The following ADAM23 variants were observed in gnomAD, a reference collection of about 807,000 sequenced individuals.
The protein encoded by ADAM23 is disintegrin and metalloproteinase domain-containing protein 23.
ADAM23 carries 33 observed loss-of-function variants against 120.1 expected under a neutral mutation model. The ratio of observed to expected loss-of-function variants is 0.27; its 90% CI spans 0.21 to 0.37. The LOEUF (loss-of-function observed/expected upper bound fraction) is 0.37. Ranked by LOEUF, ADAM23 falls within the 10% of genes least tolerant of loss-of-function variation. ADAM23 has a pLI of 1.00. For synonymous variants in ADAM23, 367 were observed against 375.2 expected (o/e 0.98, Z 0.25); for missense variants, 862 against 1,058.2 (o/e 0.81, Z 2.57).
intron 2 of ADAM23, among the ~76,000 whole-genome samples, chr2:206,459,190 A>G (rs1480575492): frequency 6.6e-6 from 1 of 152,094 alleles, no homozygotes; most frequent in Non-Finnish European, 1.5e-5. Context: ...AGCATTTATC[A>G]CCGTTGGGCT....
In ADAM23 at chr2:206,573,203, G is replaced by T; in HGVS notation, c.1737+8G>T. 1 of 1,613,282 alleles carries T rather than the reference G, an allele frequency of 6.2e-7. No homozygotes were observed. The highest frequency in any genetic ancestry group is 8.5e-7 in the Non-Finnish European group (1 of 1,179,320). On this transcript the variant is annotated splice_region_variant and intron_variant, in intron 18 of 25. Coordinates refer to ENST00000264377, the MANE Select transcript of ADAM23 (RefSeq NM_003812.4). ...ACTGGAGACTCTGGTCAGGTATGGC[G>T]CACTGAGTTTTTGGTAATACATTTT...
At chr2:206,544,125 GA>G (rs200279280) in intron 6 of ADAM23, among the ~76,000 whole-genome samples, 1 of 149,404 alleles carries the variant, frequency 6.7e-6, no homozygotes, top group African/African-American at 2.5e-5. Context: ...ATTGAAATTA[GA>G]AAAAAAAACA....
intron 3 of ADAM23, among the ~76,000 whole-genome samples, chr2:206,513,405 C>G (rs1696666682): frequency 6.6e-6 from 1 of 152,084 alleles, no homozygotes; most frequent in African/African-American, 2.4e-5. Flanking sequence ...TCAAACCAGC[C>G]AAAACATTCC....
intron 4 of ADAM23, among the ~76,000 whole-genome samples, chr2:206,536,830 CG>C (rs1346719223): frequency 6.6e-6 from 1 of 151,862 alleles, no homozygotes; most frequent in Non-Finnish European, 1.5e-5. Context: ...CTCAGCCTCC[CG>C]AGTAGCTGGG....
rs532736473 is a variant in ADAM23, at chr2:206,554,124, A to G, written c.934-3303A>G. ...CAGGAAATAGAAACATTCTGCCTAC[A>G]TTTGCATTCAAGCTTATCCCTTTAA... On this transcript the variant is annotated intron_variant, in intron 9 of 25. Transcript: ENST00000264377. Among the ~76,000 whole-genome samples, 184 of 152,256 alleles carry G rather than the reference A, an allele frequency of 1.2e-3. 2 individuals are homozygous for G. Among genetic ancestry groups the G allele is most frequent in the African/African-American group, 4.3e-3 (178 of 41,552 alleles).
intron 3 of ADAM23, among the ~76,000 whole-genome samples, chr2:206,495,215 G>A (rs1214930819): frequency 6.6e-6 from 1 of 152,072 alleles, no homozygotes; most frequent in Non-Finnish European, 1.5e-5. Context: ...CACCAAAGTT[G>A]AAATGAAGGA....
At position 206,527,238 on chromosome 2, in the gene ADAM23, A is replaced by G. The variant is rs186223733; in HGVS notation, c.510-3647A>G. Among the ~76,000 whole-genome samples, 204 of 152,326 alleles carry G rather than the reference A, an allele frequency of 1.3e-3. 2 individuals are homozygous for G. Among genetic ancestry groups the G allele is most frequent in the South Asian group, 8.3e-4 (4 of 4,828 alleles). ...ATGCCAGTTTATATTTGGGTCCGCA[A>G]TTGCTAAATAGATGAGTATTAGCAT... On this transcript the variant is annotated intron_variant, in intron 3 of 25. Transcript: ENST00000264377.
intron 3 of ADAM23, among the ~76,000 whole-genome samples, chr2:206,498,586 C>G (rs1696310412): frequency 6.6e-6 from 1 of 152,176 alleles, no homozygotes; most frequent in South Asian, 2.1e-4. Context: ...AGGACAGAGG[C>G]ATGGGCAAGG....
intron 3 of ADAM23, among the ~76,000 whole-genome samples, chr2:206,516,662 TAAAA>T: frequency 6.6e-6 from 1 of 152,048 alleles, no homozygotes; most frequent in Non-Finnish European, 1.5e-5. Flanking sequence ...AATTACCTCC[TAAAA>T]GCCCCATCTC....
intron 6 of ADAM23, among the ~76,000 whole-genome samples, chr2:206,546,249 T>A (rs567063570): frequency 2.0e-5 from 3 of 152,362 alleles, no homozygotes; most frequent in Admixed American, 6.5e-5. Flanking sequence ...GTCGATTTTT[T>A]AAATTGTGTT....
chr2:206,576,197 C>A (rs757210484), intron 18 of ADAM23, among the ~76,000 whole-genome samples: 27 of 152,038 alleles, frequency 1.8e-4, no homozygotes, highest in Non-Finnish European at 3.5e-4. Flanking sequence ...ATTGACAATA[C>A]TGATACACTG....
At chr2:206,525,828 G>A (rs560411930) in intron 3 of ADAM23, among the ~76,000 whole-genome samples, 4 of 152,172 alleles carry the variant, frequency 2.6e-5, no homozygotes, top group South Asian at 2.1e-4. Context: ...CTGACCCTGT[G>A]ATCCGCCTGC....
chr2:206,581,399 C>G (rs1698216586), intron 18 of ADAM23, among the ~76,000 whole-genome samples: 1 of 152,104 alleles, frequency 6.6e-6, no homozygotes, highest in Non-Finnish European at 1.5e-5. Flanking sequence ...TTTGCTGTAT[C>G]CCAGAGGTTT....
intron 4 of ADAM23, among the ~76,000 whole-genome samples, chr2:206,537,731 C>T (rs941448178): frequency 1.3e-5 from 2 of 151,890 alleles, no homozygotes; most frequent in African/African-American, 4.8e-5. Context: ...TTTGTATTTC[C>T]ACTCCTATAC....
intron 3 of ADAM23, among the ~76,000 whole-genome samples, chr2:206,524,155 T>A (rs1696899536): frequency 6.6e-6 from 1 of 152,188 alleles, no homozygotes; most frequent in African/African-American, 2.4e-5. Context: ...TTTGTGGTAC[T>A]CCTTTTCTAG....
At chr2:206,562,586 G>A (rs1697788943) in intron 13 of ADAM23, among the ~76,000 whole-genome samples, 1 of 152,132 alleles carries the variant, frequency 6.6e-6, no homozygotes, top group African/African-American at 2.4e-5. Flanking sequence ...CTCACACTCA[G>A]GGTTCTAGCA....
chr2:206,448,066 CT>C (rs1695118034), intron 2 of ADAM23, among the ~76,000 whole-genome samples: 1 of 152,174 alleles, frequency 6.6e-6, no homozygotes, highest in Non-Finnish European at 1.5e-5. Flanking sequence ...TTCTGAATGC[CT>C]TAATGTTTCT....
chr2:206,443,835 C>T lies in ADAM23; in HGVS notation c.-32C>T. ...GCAGCTAGCCCGGCGCTCTCGCCGG[C>T]CACACGGAGCGGCGCCCGGGAGCTA... On this transcript the variant is annotated 5_prime_UTR_variant, in exon 1 of 26. Transcript: ENST00000264377. 2 of 1,077,434 alleles carry T rather than the reference C, an allele frequency of 1.9e-6. No individual in the cohort carries two copies. The highest frequency in any genetic ancestry group is 4.1e-5 in the South Asian group (1 of 24,206). 66.7% of individuals were successfully genotyped at this position (1,077,434 alleles called of 1,614,324 possible).
At chr2:206,581,747 A>G (rs187970594) in intron 18 of ADAM23, among the ~76,000 whole-genome samples, 1 of 152,194 alleles carries the variant, frequency 6.6e-6, no homozygotes, top group African/African-American at 2.4e-5. Flanking sequence ...ATTTGTTCCA[A>G]GGTATGGTGT....
Sources: allele counts gnomAD v4.1 joint callset (sites outside exome capture counted in the v4.1 genomes callset), GRCh38; gene constraint gnomAD v4.1.1; transcripts MANE v1.5; gene names NCBI Gene and HGNC (gene_info 2026-07-23, HGNC 2026-07-21).